Variants in EDEM3 observed in about 807,000 individuals in gnomAD.
EDEM3 encodes ER degradation-enhancing alpha-mannosidase-like protein 3.
EDEM3 carries 60 observed loss-of-function variants against 110.2 expected under a neutral mutation model. That is an observed-to-expected ratio of 0.54 (90% CI 0.44 to 0.67). EDEM3 has a LOEUF of 0.67. EDEM3 is among the 30% of genes least tolerant of loss of function. The pLI, the probability that EDEM3 is intolerant of heterozygous loss-of-function variation, is 0.00. For synonymous variants in EDEM3, 352 were observed against 382.9 expected (o/e 0.92, Z 0.94); for missense variants, 996 against 1,121.0 (o/e 0.89, Z 1.59).
intron 19 of EDEM3, among the ~76,000 whole-genome samples, chr1:184,697,826 T>C (rs1200176836): frequency 1.3e-5 from 2 of 151,766 alleles, no homozygotes; most frequent in East Asian, 1.9e-4. Context: ...ATATTTCTGA[T>C]TACCTAAAAA....
chr1:184,727,178 G>T (rs1056016995), intron 6 of EDEM3, among the ~76,000 whole-genome samples: 1 of 152,194 alleles, frequency 6.6e-6, no homozygotes, highest in African/African-American at 2.4e-5. Flanking sequence ...TGTAATCCCA[G>T]CTACCTGGGA....
At position 184,711,673 on chromosome 1, in the gene EDEM3, T is replaced by C. The variant is rs564960634; in HGVS notation, c.1691+50A>G. 4.0e-6 allele frequency: 6 copies of C among 1,498,216 alleles called. No individual in the cohort carries two copies. In the African/African-American group the frequency reaches 8.5e-5, roughly 21 times the overall value. The allele number at this position is 1,498,216 out of a possible 1,614,324, so 92.8% of individuals were successfully genotyped here. A position where few individuals can be genotyped will look rare whatever the true frequency, so the allele number is the denominator to read the frequency against. ...ACATGCTCCCTAAGTTCTCTGTCAT[T>C]TACTAAGAAACAACTTTGATATTAG... On this transcript the variant is annotated intron_variant, in intron 15 of 19. Coordinates refer to ENST00000318130, the MANE Select transcript of EDEM3 (RefSeq NM_025191.4).
rs975776052 is a variant in EDEM3 at position 184,718,721 on chromosome 1, A to G, written c.1161+441T>C. ...GCATGAGGAAGAGATGGCATTCTAT[A>G]CATTTCCAGAGGGCATGTGTGAACA... On this transcript the variant is annotated intron_variant, in intron 11 of 19. Transcript: ENST00000318130. Among the ~76,000 whole-genome samples, 3 of 152,172 alleles carry G rather than the reference A, an allele frequency of 2.0e-5. No individual in the cohort carries two copies. The South Asian group carries it at 6.2e-4, about 31-fold the overall frequency.
At chr1:184,748,623 C>T (rs765443931) in intron 2 of EDEM3, among the ~76,000 whole-genome samples, 2 of 152,002 alleles carry the variant, frequency 1.3e-5, no homozygotes, top group South Asian at 4.2e-4. Flanking sequence ...TAAAAGAGAA[C>T]GAGGACTGTC....
At chr1:184,723,198 T>C (rs1650997488) in intron 8 of EDEM3, among the ~76,000 whole-genome samples, 1 of 152,006 alleles carries the variant, frequency 6.6e-6, no homozygotes, top group Non-Finnish European at 1.5e-5. Context: ...GTGTAGTACA[T>C]GCCCGGCACT....
Position 184,724,541 on chromosome 1 carries a change from AG to A in EDEM3, c.748-686del, listed in dbSNP as rs1165734948. ...AAGATGTTACAAAATATAAATGCAA[AG>A]GGCAAGTACAGGCAGGTTTCTAAAT... On this transcript the variant is annotated intron_variant, in intron 7 of 19. Transcript: ENST00000318130. 2.0e-5 allele frequency among the ~76,000 whole-genome samples: 3 copies of A among 152,332 alleles called. No homozygotes were observed. In the East Asian group the frequency reaches 5.8e-4, roughly 29 times the overall value.
intron 18 of EDEM3, 28 bp from the exon 19 acceptor site, chr1:184,703,024 T>C: frequency 6.5e-7 from 1 of 1,534,618 alleles, no homozygotes; most frequent in Non-Finnish European, 8.8e-7. Context: ...ACAGCAAACA[T>C]CAAAATATCC....
chr1:184,729,782 TAA>T lies in EDEM3; in HGVS notation c.612+3053_612+3054del, dbSNP rs1050698762. Among the ~76,000 whole-genome samples, 318 of 152,282 alleles carry T rather than the reference TAA, an allele frequency of 2.1e-3. 4 individuals carry two copies. Among genetic ancestry groups the T allele is most frequent in the Non-Finnish European group, 3.5e-4 (24 of 67,994 alleles). The stretch of plus-strand genomic sequence containing the variant: ...CACTTCAGAGTATAAGAAAATAATA[TAA>T]GTTTCTCTGTTTTACCATAACGCTC... On this transcript the variant is annotated intron_variant, in intron 6 of 19. Transcript: ENST00000318130.
At chr1:184,742,179 G>A (rs1051791550) in intron 2 of EDEM3, among the ~76,000 whole-genome samples, 1 of 152,126 alleles carries the variant, frequency 6.6e-6, no homozygotes, top group Non-Finnish European at 1.5e-5. Context: ...GAAAGGGGGG[G>A]AAATAACTTT....
Position 184,704,908 on chromosome 1 carries a change from AT to A in EDEM3, c.2203+1734del, listed in dbSNP as rs201926240. On this transcript the variant is annotated intron_variant, in intron 18 of 19. Coordinates refer to ENST00000318130, the MANE Select transcript of EDEM3 (RefSeq NM_025191.4). ...CCCCATCTCTACTAAAAAGAAAAAA[AT>A]ATATATAAAAATTAGCCAGGCGTGG... Among the ~76,000 whole-genome samples the A allele has an allele frequency of 2.8e-3, 432 of 151,678 alleles. 5 individuals carry two copies. The East Asian group carries it at 0.036, about 13-fold the overall frequency.
rs1197561508 is a variant in EDEM3, at chr1:184,732,881, G to A, written c.568C>T (p.Leu190Phe). 5 of 1,613,816 alleles carry A rather than the reference G, an allele frequency of 3.1e-6. No individual in the cohort carries two copies. Among genetic ancestry groups the A allele is most frequent in the East Asian group, 2.2e-5 (1 of 44,866 alleles). Residue 190 changes from leucine (L) to phenylalanine (F), a missense_variant, in exon 6 of 20, where the codon CTT becomes TTT. By Grantham distance (22) the Leu-to-Phe change is conservative. This residue lies in a region of EDEM3 where 310 missense variants were observed against 394.6 expected (regional missense o/e 0.79). Transcript: ENST00000318130. The stretch of plus-strand genomic sequence containing the variant: ...CTGGTAGTGTTGAAAGCCGGTAAAA[G>A]TTTGTAACCTAACTGCTTTGCCATT... Reference protein sequence around the residue: ...LQMAKQLGYKLLPAFNTTSGL... With the variant: ...LQMAKQLGYKFLPAFNTTSGL...
chr1:184,720,337 C>A (rs1341166362), intron 9 of EDEM3, among the ~76,000 whole-genome samples: 3 of 151,934 alleles, frequency 2.0e-5, no homozygotes, highest in African/African-American at 7.3e-5. Flanking sequence ...GTTAAAGGCA[C>A]TGCTCTAATC....
Position 184,705,486 on chromosome 1 carries a change from C to A in EDEM3, c.2203+1157G>T, listed in dbSNP as rs541933214. Reference sequence around the variant, plus strand: ...CACAAACAAATTGGCATGACTGTGTCCCAATAAAACTTTTATTTACAAAAA... The same window carrying A: ...CACAAACAAATTGGCATGACTGTGTACCAATAAAACTTTTATTTACAAAAA... On this transcript the variant is annotated intron_variant, in intron 18 of 19. Coordinates refer to ENST00000318130, the MANE Select transcript of EDEM3 (RefSeq NM_025191.4). Among the ~76,000 whole-genome samples, 5 of 152,256 alleles carry A rather than the reference C, an allele frequency of 3.3e-5. No individual in the cohort carries two copies. In the South Asian group the frequency reaches 1.0e-3, roughly 32 times the overall value.
At chr1:184,718,124 T>C (rs1650658341) in intron 11 of EDEM3, among the ~76,000 whole-genome samples, 1 of 152,166 alleles carries the variant, frequency 6.6e-6, no homozygotes, top group Admixed American at 6.5e-5. Flanking sequence ...TAGTTCTCTT[T>C]TTTTGTGGTG....
intron 18 of EDEM3, among the ~76,000 whole-genome samples, chr1:184,706,328 C>T (rs957237564): frequency 5.9e-5 from 9 of 152,130 alleles, no homozygotes; most frequent in Non-Finnish European, 8.8e-5. Flanking sequence ...TCTTGCCCTT[C>T]GGGGGTTATG....
At chr1:184,731,810 T>C (rs893706610) in intron 6 of EDEM3, among the ~76,000 whole-genome samples, 3 of 152,172 alleles carry the variant, frequency 2.0e-5, no homozygotes, top group Non-Finnish European at 4.4e-5. Context: ...GGAATACTAT[T>C]TGGCCATTAA....
At chr1:184,720,256 T>A (rs1650810508) in intron 9 of EDEM3, among the ~76,000 whole-genome samples, 1 of 150,844 alleles carries the variant, frequency 6.6e-6, no homozygotes, top group East Asian at 1.9e-4. Context: ...TAATGACTTA[T>A]TAACTTTTAC....
intron 11 of EDEM3, 144 bp from the exon 12 acceptor site, chr1:184,717,767 G>T: frequency 5.7e-6 from 3 of 527,430 alleles, no homozygotes; most frequent in Non-Finnish European, 9.4e-6. Context: ...AATTTTCATT[G>T]CTTAAAATAA....
chr1:184,723,674 T>C, intron 8 of EDEM3, 77 bp downstream of exon 8: 1 of 1,132,386 alleles, frequency 8.8e-7, no homozygotes, highest in South Asian at 1.4e-5. Context: ...AAAGATTATT[T>C]TAACAAATGA....
Sources: allele counts gnomAD v4.1 joint callset (sites outside exome capture counted in the v4.1 genomes callset), GRCh38; gene constraint gnomAD v4.1.1; regional missense constraint gnomAD v4.1.1; transcripts MANE v1.5; gene names NCBI Gene and HGNC (gene_info 2026-07-23, HGNC 2026-07-21).